BARX2: variants seen among roughly 807,000 people sequenced by gnomAD.
BARX2 encodes the protein BARX homeobox 2.
In BARX2, 11 loss-of-function variants were observed where a neutral mutation model predicts 25.5. The observed-to-expected ratio is 0.43, with a 90% confidence interval of 0.27 to 0.71. BARX2 has a LOEUF of 0.71. BARX2 is among the 30% of genes least tolerant of loss of function. BARX2 has a pLI of 0.19. For synonymous variants in BARX2, 137 were observed against 149.5 expected, an observed-to-expected ratio of 0.92 and a Z score of 0.61; for missense variants, 360 against 359.9, an observed-to-expected ratio of 1.00 and a Z score of 0.00.
intron 1 of BARX2, among the ~76,000 whole-genome samples, chr11:129,427,230 T>C (rs1231363534): frequency 6.6e-6 from 1 of 152,218 alleles, no homozygotes; most frequent in Non-Finnish European, 1.5e-5. Flanking sequence ...AGAACTGTTA[T>C]TGGCCTAACT....
At position 129,451,286 on chromosome 11, in the gene BARX2, G is replaced by C. The variant is rs1862396927; in HGVS notation, c.724G>C (p.Glu242Gln). ...GCTGGAGCCCTCTCAGGGGCAGGAG[G>C]AGCTCTGTGAAGCACAGGAACCGAA... ...EQLEPSQGQE[E>Q]LCEAQEPKAR... is the part of the protein sequence containing the mutation. The change falls in exon 4 of 4, where the codon GAG becomes CAG. Residue 242 changes from glutamate to glutamine, a missense_variant. This residue lies in a region of BARX2 where 114 missense variants were observed against 109.4 expected (regional missense o/e 1.04). Transcript: ENST00000281437. 1.2e-6 allele frequency: 2 copies of C among 1,614,174 alleles called. No individual in the cohort carries two copies. Among genetic ancestry groups the C allele is most frequent in the Non-Finnish European group, 1.7e-6 (2 of 1,180,038 alleles).
At chr11:129,425,394 T>G (rs879871726) in intron 1 of BARX2, among the ~76,000 whole-genome samples, 1 of 152,186 alleles carries the variant, frequency 6.6e-6, no homozygotes, top group Non-Finnish European at 1.5e-5. Context: ...CCTGGCAGCT[T>G]TCCGTCAGGG....
intron 1 of BARX2, among the ~76,000 whole-genome samples, chr11:129,387,462 A>G (rs547585890): frequency 6.6e-6 from 1 of 152,284 alleles, no homozygotes; most frequent in East Asian, 1.9e-4. Context: ...TTTCACTGAA[A>G]GAGAGAGAGA....
chr11:129,422,099 C>G (rs771687862), intron 1 of BARX2, among the ~76,000 whole-genome samples: 1 of 152,046 alleles, frequency 6.6e-6, no homozygotes, highest in Non-Finnish European at 1.5e-5. Flanking sequence ...AGGCTGGCCT[C>G]GATTGCCTGG....
chr11:129,398,734 C>G (rs972301781), intron 1 of BARX2, among the ~76,000 whole-genome samples: 81 of 152,304 alleles, frequency 5.3e-4, no homozygotes, highest in African/African-American at 1.9e-3. Context: ...TATCAAAATT[C>G]TGCATGGGAG....
intron 1 of BARX2, among the ~76,000 whole-genome samples, chr11:129,405,264 G>C (rs2135395088): frequency 6.6e-6 from 1 of 152,292 alleles, no homozygotes; most frequent in South Asian, 2.1e-4. Flanking sequence ...GAGGGTAGTT[G>C]ACTTGGGTTA....
chr11:129,445,350 GT>G (rs1329678445), intron 3 of BARX2, among the ~76,000 whole-genome samples: 1 of 152,242 alleles, frequency 6.6e-6, no homozygotes, highest in African/African-American at 2.4e-5. Flanking sequence ...CTTTTCGTGA[GT>G]CAGATGATTA....
chr11:129,433,384 C>A (rs1000009695), intron 1 of BARX2, among the ~76,000 whole-genome samples: 1 of 152,216 alleles, frequency 6.6e-6, no homozygotes, highest in Admixed American at 6.5e-5. Context: ...TGCAGTCCAA[C>A]CTCCTTAGGG....
rs1003694285 is a variant in BARX2 at position 129,445,181 on chromosome 11, C to T, written c.573+2262C>T. On this transcript the variant is annotated intron_variant, in intron 3 of 3. Transcript: ENST00000281437. ...GACTTGAGAGTGAGAAGCACCCGGC[C>T]GTGTTCCCATGCTTGCCCTTCCCTG... Among the ~76,000 whole-genome samples, 6 of 152,170 alleles carry T rather than the reference C, an allele frequency of 3.9e-5. No individual in the cohort carries two copies. In the East Asian group the frequency reaches 5.8e-4, roughly 15 times the overall value.
chr11:129,389,822 G>A (rs1200761972), intron 1 of BARX2, among the ~76,000 whole-genome samples: 1 of 151,988 alleles, frequency 6.6e-6, no homozygotes, highest in Non-Finnish European at 1.5e-5. Context: ...AGGTAGCATG[G>A]AAAATGGTAG....
At chr11:129,429,009 T>G (rs532103953) in intron 1 of BARX2, among the ~76,000 whole-genome samples, 2 of 124,972 alleles carry the variant, frequency 1.6e-5, no homozygotes, top group Non-Finnish European at 3.1e-5. Flanking sequence ...GAAGTTGTGT[T>G]TTTTTTTTTT....
intron 1 of BARX2, among the ~76,000 whole-genome samples, chr11:129,433,505 G>A (rs7110961): frequency 0.43 from 64,876 of 151,948 alleles, 15,575 homozygotes; most frequent in African/African-American, 0.66. Context: ...CTGACCTACA[G>A]GGCCCTGCGT....
Position 129,451,356 on chromosome 11 carries a change from C to T in BARX2, c.794C>T (p.Pro265Leu), listed in dbSNP as rs1862398793. The T allele has an allele frequency of 1.2e-6, 2 of 1,614,128 alleles. No individual in the cohort carries two copies. The highest frequency in any genetic ancestry group is 1.1e-5 in the South Asian group (1 of 91,074). The change falls in exon 4 of 4, where the codon CCC (proline) becomes CTC (leucine). Residue 265 changes from proline to leucine, a missense_variant. Coordinates refer to ENST00000281437, the MANE Select transcript of BARX2 (RefSeq NM_003658.5). ...GAGATGGCAGAGCCACCAGACCCGCCCCAGGAGTTGCCAATACCCTCTTCG... is the reference window on the plus strand; with the variant it reads ...GAGATGGCAGAGCCACCAGACCCGCTCCAGGAGTTGCCAATACCCTCTTCG... ...PLEMAEPPDP[P>L]QELPIPSSEP...
chr11:129,428,570 G>A (rs1227320785), intron 1 of BARX2, among the ~76,000 whole-genome samples: 1 of 152,188 alleles, frequency 6.6e-6, no homozygotes, highest in Non-Finnish European at 1.5e-5. Flanking sequence ...TGGAAATCAA[G>A]TCATATATTA....
At chr11:129,445,826 A>C (rs1016800809) in intron 3 of BARX2, among the ~76,000 whole-genome samples, 3 of 152,230 alleles carry the variant, frequency 2.0e-5, no homozygotes, top group Non-Finnish European at 4.4e-5. Context: ...TGGAATAGCA[A>C]GGCTGTGTTG....
intron 1 of BARX2, among the ~76,000 whole-genome samples, chr11:129,387,089 CT>C (rs1861623479): frequency 1.3e-5 from 2 of 152,314 alleles, no homozygotes; most frequent in African/African-American, 2.4e-5. Flanking sequence ...CAAAGTCCTT[CT>C]GCATTTTATT....
intron 3 of BARX2, among the ~76,000 whole-genome samples, chr11:129,443,752 C>G (rs1862291335): frequency 6.6e-6 from 1 of 152,112 alleles, no homozygotes; most frequent in East Asian, 1.9e-4. Context: ...CTAAAAAGGG[C>G]ACTATTAAAT....
intron 1 of BARX2, among the ~76,000 whole-genome samples, chr11:129,395,741 G>T (rs73024944): frequency 6.6e-6 from 1 of 152,076 alleles, no homozygotes; most frequent in Non-Finnish European, 1.5e-5. Flanking sequence ...ATCTCTGCAC[G>T]TGTAAAATCT....
intron 1 of BARX2, among the ~76,000 whole-genome samples, chr11:129,425,056 A>G (rs185752842): frequency 2.6e-5 from 4 of 152,196 alleles, no homozygotes; most frequent in African/African-American, 9.6e-5. Context: ...AAGTATTACT[A>G]TTGCCTTTTT....
Sources: gnomAD v4.1 joint callset for allele counts (sites outside exome capture counted in the v4.1 genomes callset) on GRCh38, gnomAD v4.1.1 for gene constraint, gnomAD v4.1.1 regional missense constraint, MANE v1.5 for transcripts, NCBI Gene and HGNC (gene_info 2026-07-23, HGNC 2026-07-21) for gene names.